The following EPS8L2 variants were observed in gnomAD, a reference collection of about 807,000 sequenced individuals.
The protein encoded by EPS8L2 is epidermal growth factor receptor kinase substrate 8-like protein 2.
Under a neutral mutation model 99.4 loss-of-function variants are expected in EPS8L2, and 81 were observed. That is an observed-to-expected ratio of 0.82 (90% CI 0.68 to 0.98). EPS8L2 has a LOEUF of 0.98. EPS8L2 is among the 50% of genes least tolerant of loss of function. EPS8L2 has a pLI of 0.00. For synonymous variants in EPS8L2, 509 were observed against 407.3 expected, an observed-to-expected ratio of 1.25 and a Z score of -3.01; for missense variants, 1,155 against 968.8, an observed-to-expected ratio of 1.19 and a Z score of -2.55.
chr11:718,664 T>C (rs1216682027), intron 4 of EPS8L2, among the ~76,000 whole-genome samples: 2 of 150,190 alleles, frequency 1.3e-5, no homozygotes, highest in African/African-American at 4.9e-5. Context: ...TTTTAATTTT[T>C]TTAATTTCTT....
chr11:720,956 A>G (rs746224992), intron 7 of EPS8L2, 47 bp downstream of exon 7: 66 of 1,234,954 alleles, frequency 5.3e-5, no homozygotes, highest in Non-Finnish European at 6.3e-5. Context: ...GGAGGGGAGG[A>G]GCCCGGCAGG....
chr11:720,983 CAGGGG>C (rs1862152442), intron 7 of EPS8L2, 74 bp downstream of exon 7: 22 of 1,367,606 alleles, frequency 1.6e-5, no homozygotes, highest in Non-Finnish European at 2.0e-5. Context: ...GAGGAGCCGG[CAGGGG>C]AGGGGAGGAG....
intron 14 of EPS8L2, 39 bp from the exon 15 acceptor site, chr11:723,202 C>T (rs758931024): frequency 3.8e-5 from 44 of 1,148,432 alleles, no homozygotes; most frequent in South Asian, 5.3e-5. Context: ...GACCCAGCCC[C>T]GCCCCATGTC....
chr11:719,373 T>C (rs530094545), intron 4 of EPS8L2, among the ~76,000 whole-genome samples: 2 of 152,278 alleles, frequency 1.3e-5, no homozygotes, highest in Non-Finnish European at 1.5e-5. Context: ...GGCCAACCCT[T>C]CGTGGGAGGG....
chr11:721,069 A>T lies in EPS8L2; in HGVS notation c.563A>T (p.His188Leu). Residue 188 changes from histidine to leucine, a missense_variant, in exon 8 of 21, where the codon CAC (histidine) becomes CTC (leucine). Physicochemically the swap from His to Leu is moderately conservative, Grantham distance 99 (BLOSUM62 -3). Coordinates refer to ENST00000318562, the MANE Select transcript of EPS8L2 (RefSeq NM_022772.4). ...KKMRPQTLKG[H>L]QEKIRQRQSI... The stretch of plus-strand genomic sequence containing the variant: ...AGGACCCCCTCGCCCTCCAGGGGAC[A>T]CCAGGAGAAGATTCGGCAGCGGCAG... 6.9e-7 allele frequency: 1 copy of T among 1,438,984 alleles called. No homozygotes were observed. 89.1% of individuals were successfully genotyped at this position (1,438,984 alleles called of 1,614,324 possible). A position where few individuals can be genotyped will look rare whatever the true frequency, so the allele number is the denominator to read the frequency against.
chr11:719,080 C>G (rs1407882904), intron 4 of EPS8L2, among the ~76,000 whole-genome samples: 4 of 151,286 alleles, frequency 2.6e-5, no homozygotes, highest in Non-Finnish European at 5.9e-5. Context: ...ATTCTCCCAC[C>G]TCAGCCTCCC....
chr11:710,742 G>GA (rs1217957006), intron 4 of EPS8L2, among the ~76,000 whole-genome samples: 1 of 111,468 alleles, frequency 9.0e-6, no homozygotes, highest in East Asian at 3.0e-4. Flanking sequence ...GTCTCAAAAC[G>GA]AAAGAGAGAA....
Position 725,775 on chromosome 11 carries a change from C to T in EPS8L2, c.1608C>T (p.Gly536=). The change falls in exon 17 of 21, where the codon GGC becomes GGT. Residue 536 remains glycine (G), a synonymous_variant. Transcript: ENST00000318562. ...RQWWKLRSRS[G]QAGYVPCNIL... is the part of the protein sequence containing the mutation. ...GGTGGAAGCTGCGCAGCCGCAGCGG[C>T]CAGGCGGGGTACGTGCCCTGCAACA... The T allele has an allele frequency of 7.4e-7, 1 of 1,359,728 alleles. No individual in the cohort carries two copies. The highest frequency in any genetic ancestry group is 9.4e-7 in the Non-Finnish European group (1 of 1,059,494). 84.2% of individuals were successfully genotyped at this position (1,359,728 alleles called of 1,614,324 possible).
intron 4 of EPS8L2, among the ~76,000 whole-genome samples, chr11:714,123 A>G (rs1049633701): frequency 6.6e-6 from 1 of 152,224 alleles, no homozygotes; most frequent in Non-Finnish European, 1.5e-5. Flanking sequence ...TGGCATCCTA[A>G]GAAGTCATCC....
chr11:710,131 C>T (rs1861845764), intron 3 of EPS8L2: 6 of 438,586 alleles, frequency 1.4e-5, no homozygotes, highest in Non-Finnish European at 2.5e-5. Context: ...CCTGTCCCCT[C>T]ACCCTCCGGG....
chr11:720,965 G>GGGGAGGGGCGGAGCCCGGCAGGGA, intron 7 of EPS8L2, 56 bp downstream of exon 7: 1 of 1,291,468 alleles, frequency 7.7e-7, no homozygotes, highest in Non-Finnish European at 1.1e-6. Context: ...GAGCCCGGCA[G>GGGGAGGGGCGGAGCCCGGCAGGGA]GGGAGGGGAG....
rs768552619 is a variant in EPS8L2, at chr11:726,407, C to A, written c.1857C>A (p.Pro619=). 1 of 1,605,976 alleles carries A rather than the reference C, an allele frequency of 6.2e-7. No individual in the cohort carries two copies. The highest frequency in any genetic ancestry group is 1.1e-5 in the South Asian group (1 of 89,980). ...ACTTCCGCGTGGAGCGCAGCCAGCC[C>A]GTGAGCCAGCCGCTCACCTACGAGT... ...QRHFRVERSQ[P]VSQPLTYESG... The change falls in exon 19 of 21, where the codon CCC becomes CCA. Residue 619 remains proline (P), a synonymous_variant. Transcript: ENST00000318562.
chr11:713,027 G>A (rs189247692), intron 4 of EPS8L2, among the ~76,000 whole-genome samples: 15 of 141,684 alleles, frequency 1.1e-4, no homozygotes, highest in East Asian at 4.4e-4. Flanking sequence ...CAGGAGCCTC[G>A]TCTGCCCAGA....
intron 10 of EPS8L2, 69 bp downstream of exon 10, chr11:721,760 G>A (rs1862182816): frequency 1.3e-6 from 2 of 1,557,358 alleles, no homozygotes; most frequent in Admixed American, 1.8e-5. Context: ...GACAGGGACG[G>A]GGACGGGGCC....
chr11:721,892 T>C lies in EPS8L2; in HGVS notation c.896-11T>C. The C allele has an allele frequency of 1.3e-6, 2 of 1,577,128 alleles. No individual in the cohort carries two copies. Among genetic ancestry groups the C allele is most frequent in the Non-Finnish European group, 1.7e-6 (2 of 1,162,130 alleles). On this transcript the variant is annotated splice_polypyrimidine_tract_variant and intron_variant, in intron 10 of 20. Transcript: ENST00000318562. Reference sequence around the variant, plus strand: ...GGGCCAGCCTGGCTCACGCGGTGCCTCCCATGCCAGAGGGCGTCCTCACAC... The same window carrying C: ...GGGCCAGCCTGGCTCACGCGGTGCCCCCCATGCCAGAGGGCGTCCTCACAC...
intron 4 of EPS8L2, among the ~76,000 whole-genome samples, chr11:719,074 T>C (rs1174068226): frequency 6.0e-5 from 9 of 150,214 alleles, no homozygotes; most frequent in African/African-American, 2.2e-4. Context: ...CAAGTGATTC[T>C]CCCACCTCAG....
At position 726,678 on chromosome 11, in the gene EPS8L2, A is replaced by G. The variant is rs773451623; in HGVS notation, c.1994A>G (p.Glu665Gly). ...GPQLFSLNKE[E>G]LKKVCGEEGV... ...CAGCTCTTCTCCCTCAACAAGGAGGAGCTGAAGAAAGTGTGCGGCGAGGAG... is the reference window on the plus strand; with the variant it reads ...CAGCTCTTCTCCCTCAACAAGGAGGGGCTGAAGAAAGTGTGCGGCGAGGAG... The change falls in exon 20 of 21, where the codon GAG becomes GGG. Residue 665 changes from glutamate to glycine, a missense_variant. Coordinates refer to ENST00000318562, the MANE Select transcript of EPS8L2 (RefSeq NM_022772.4). 1.3e-6 allele frequency: 2 copies of G among 1,579,610 alleles called. No homozygotes were observed. Among genetic ancestry groups the G allele is most frequent in the Admixed American group, 1.8e-5 (1 of 54,164 alleles).
intron 4 of EPS8L2, 109 bp from the exon 5 acceptor site, chr11:719,953 T>A: frequency 9.0e-7 from 1 of 1,115,342 alleles, no homozygotes; most frequent in Non-Finnish European, 1.3e-6. Context: ...TCTAGCCCCC[T>A]ACCCAGGGTT....
At chr11:714,518 G>A (rs989675413) in intron 4 of EPS8L2, among the ~76,000 whole-genome samples, 7 of 151,678 alleles carry the variant, frequency 4.6e-5, no homozygotes, top group African/African-American at 7.2e-5. Flanking sequence ...GGCGTGAGCC[G>A]CCGCGCTGGG....
Sources: gnomAD v4.1 joint callset for allele counts (sites outside exome capture counted in the v4.1 genomes callset) on GRCh38, gnomAD v4.1.1 for gene constraint, MANE v1.5 for transcripts, NCBI Gene and HGNC (gene_info 2026-07-23, HGNC 2026-07-21) for gene names.